Variants in ETV1 observed in about 807,000 individuals in gnomAD.
ETV1 encodes the protein ETS variant transcription factor 1.
Under a neutral mutation model 62.3 loss-of-function variants are expected in ETV1, and 27 were observed. The ratio of observed to expected loss-of-function variants is 0.43; its 90% confidence interval spans 0.32 to 0.60. ETV1 has a LOEUF of 0.60. ETV1 is among the 20% of genes least tolerant of loss of function. The pLI is 0.06. For synonymous variants in ETV1, 222 were observed against 199.6 expected, an observed-to-expected ratio of 1.11 and a Z score of -0.94; for missense variants, 605 against 605.8, an observed-to-expected ratio of 1.00 and a Z score of 0.01.
intron 6 of ETV1, among the ~76,000 whole-genome samples, chr7:13,943,510 C>G (rs1583732199): frequency 6.6e-6 from 1 of 152,172 alleles, no homozygotes; most frequent in Non-Finnish European, 1.5e-5. Context: ...ATTAATACAC[C>G]CTTAGGATAC....
intron 9 of ETV1, among the ~76,000 whole-genome samples, chr7:13,926,756 T>G (rs931896306): frequency 6.6e-6 from 1 of 152,170 alleles, no homozygotes; most frequent in Non-Finnish European, 1.5e-5. Flanking sequence ...TAGAACCTAG[T>G]ATCATGATAC....
chr7:13,961,260 T>C (rs1790137225), intron 6 of ETV1, among the ~76,000 whole-genome samples: 1 of 152,198 alleles, frequency 6.6e-6, no homozygotes, highest in Admixed American at 6.5e-5. Context: ...AGCCCAGCCA[T>C]AGCCTAATAA....
At chr7:13,932,123 T>G (rs1409789270) in intron 8 of ETV1, among the ~76,000 whole-genome samples, 1 of 151,962 alleles carries the variant, frequency 6.6e-6, no homozygotes, top group African/African-American at 2.4e-5. Flanking sequence ...ACGGATAATT[T>G]CCACACAAGA....
chr7:13,955,060 T>C (rs1055356534), intron 6 of ETV1, among the ~76,000 whole-genome samples: 3 of 152,230 alleles, frequency 2.0e-5, no homozygotes, highest in African/African-American at 7.2e-5. Flanking sequence ...TGGTCTCAAT[T>C]GTTACAGCTG....
intron 6 of ETV1, among the ~76,000 whole-genome samples, chr7:13,972,592 C>T (rs1430404394): frequency 1.3e-5 from 2 of 152,082 alleles, no homozygotes; most frequent in African/African-American, 4.8e-5. Context: ...TGAGAAGATA[C>T]ACTTCTATTT....
intron 6 of ETV1, among the ~76,000 whole-genome samples, chr7:13,940,390 G>GA (rs566547820): frequency 3.1e-4 from 38 of 124,034 alleles, no homozygotes; most frequent in South Asian, 1.9e-3. Context: ...AGAAAAAAAA[G>GA]AAAAAAAAAG....
At chr7:13,948,879 T>G (rs2128469742) in intron 6 of ETV1, among the ~76,000 whole-genome samples, 1 of 152,274 alleles carries the variant, frequency 6.6e-6, no homozygotes. Flanking sequence ...TAACTCTTGG[T>G]TTACTCTGTC....
rs1359633183 is a variant in ETV1 at position 13,984,643 on chromosome 7, T to A, written c.181+1995A>T. 3.9e-5 allele frequency among the ~76,000 whole-genome samples: 6 copies of A among 151,990 alleles called. No homozygotes were observed. In the East Asian group the frequency reaches 1.2e-3, roughly 29 times the overall value. ...TCTAAAATGAAATCTTATCCATAGT[T>A]TGTAAATAGTAGTCCACCTGGGAAT... is the stretch of plus-strand genomic sequence containing the variant. On this transcript the variant is annotated intron_variant, in intron 5 of 13. Transcript: ENST00000430479.
chr7:13,905,595 G>T (rs1183611844), intron 12 of ETV1, among the ~76,000 whole-genome samples: 1 of 152,098 alleles, frequency 6.6e-6, no homozygotes, highest in Non-Finnish European at 1.5e-5. Context: ...GTTCTGGGAA[G>T]AATAAAAACT....
At chr7:13,975,874 C>A (rs1173315249) in intron 6 of ETV1, among the ~76,000 whole-genome samples, 1 of 152,032 alleles carries the variant, frequency 6.6e-6, no homozygotes, top group Non-Finnish European at 1.5e-5. Context: ...GGAATTGTTA[C>A]CAATTACTTT....
chr7:13,971,362 A>C (rs1780887356), intron 6 of ETV1, among the ~76,000 whole-genome samples: 2 of 152,330 alleles, frequency 1.3e-5, no homozygotes, highest in South Asian at 2.1e-4. Context: ...TAATAATATT[A>C]GTGGTTTTAA....
rs1375435034 is a variant in ETV1 at position 13,986,214 on chromosome 7, T to A, written c.181+424A>T. 4 of 1,565,510 alleles carry A rather than the reference T, an allele frequency of 2.6e-6. No individual in the cohort carries two copies. The South Asian group carries it at 4.7e-5, about 18-fold the overall frequency. On this transcript the variant is annotated intron_variant, in intron 5 of 13. Transcript: ENST00000430479. Reference sequence around the variant, plus strand: ...AACCCAGAGAAACTAATTTCTGCCATCAGAAAAGTCCTCCACCAGAACACC... The same window carrying A: ...AACCCAGAGAAACTAATTTCTGCCAACAGAAAAGTCCTCCACCAGAACACC...
chr7:13,929,006 G>A lies in ETV1; in HGVS notation c.802+2496C>T, dbSNP rs566049894. 2.6e-5 allele frequency among the ~76,000 whole-genome samples: 4 copies of A among 152,260 alleles called. No individual in the cohort carries two copies. In the East Asian group the frequency reaches 7.7e-4, roughly 29 times the overall value. On this transcript the variant is annotated intron_variant, in intron 9 of 13. Transcript: ENST00000430479. ...CAAAAAGAAATATTTTAAGTGCTATGCTATACATGTTCTTTGGAATGATTA... is the reference window on the plus strand; with the variant it reads ...CAAAAAGAAATATTTTAAGTGCTATACTATACATGTTCTTTGGAATGATTA...
chr7:13,974,025 T>G (rs1781161352), intron 6 of ETV1, among the ~76,000 whole-genome samples: 1 of 152,182 alleles, frequency 6.6e-6, no homozygotes, highest in African/African-American at 2.4e-5. Context: ...TCTTGTACCC[T>G]CAAGAAGTTC....
chr7:13,982,618 C>T (rs1782105323), intron 5 of ETV1, among the ~76,000 whole-genome samples: 2 of 151,890 alleles, frequency 1.3e-5, no homozygotes, highest in African/African-American at 2.4e-5. Flanking sequence ...GATAGCCCAT[C>T]CTCTCCCCGC....
At chr7:13,948,584 G>T (rs1053799494) in intron 6 of ETV1, among the ~76,000 whole-genome samples, 1 of 152,124 alleles carries the variant, frequency 6.6e-6, no homozygotes, top group Non-Finnish European at 1.5e-5. Context: ...TAAATGAAGC[G>T]TTAGTAGAAC....
At position 13,894,422 on chromosome 7, in the gene ETV1, A is replaced by G. The variant is rs773845791; in HGVS notation, c.*1444T>C. 5.6e-5 allele frequency: 13 copies of G among 232,602 alleles called. No homozygotes were observed. The highest frequency in any genetic ancestry group is 1.0e-4 in the Non-Finnish European group (12 of 117,460). 14.4% of individuals were successfully genotyped at this position (232,602 alleles called of 1,614,324 possible). A position where few individuals can be genotyped will look rare whatever the true frequency, so the allele number is the denominator to read the frequency against. On this transcript the variant is annotated 3_prime_UTR_variant, in exon 14 of 14. Coordinates refer to ENST00000430479, the MANE Select transcript of ETV1 (RefSeq NM_004956.5). ...TTTCAAACAATCCAATCACATTTAC[A>G]GAAGTGTCCAAAAAGAGATGATGGA...
At chr7:13,962,575 A>G (rs1312595021) in intron 6 of ETV1, among the ~76,000 whole-genome samples, 1 of 152,144 alleles carries the variant, frequency 6.6e-6, no homozygotes, top group Non-Finnish European at 1.5e-5. Flanking sequence ...TGTGTTGCCA[A>G]ATAGAGTCCA....
intron 5 of ETV1, among the ~76,000 whole-genome samples, chr7:13,984,705 T>C (rs1007432979): frequency 5.3e-5 from 8 of 152,010 alleles, no homozygotes; most frequent in South Asian, 2.1e-4. Context: ...CTGAACTTAA[T>C]TGAAATTATA....
Sources: allele counts gnomAD v4.1 joint callset (sites outside exome capture counted in the v4.1 genomes callset), GRCh38; gene constraint gnomAD v4.1.1; transcripts MANE v1.5; gene names NCBI Gene and HGNC (gene_info 2026-07-23, HGNC 2026-07-21).